MTREX: variants seen among roughly 807,000 people sequenced by gnomAD.
MTREX encodes exosome RNA helicase MTR4.
A neutral mutation model predicts 135.4 loss-of-function variants in MTREX; 76 were observed. The ratio of observed to expected loss-of-function variants is 0.56; its 90% confidence interval spans 0.47 to 0.68. The LOEUF is 0.68. Ranked by LOEUF, MTREX falls within the 30% of genes least tolerant of loss-of-function variation. The pLI is 0.00. For missense variants in MTREX, 920 were observed against 1,262.1 expected (o/e 0.73, Z 4.11); for synonymous variants, 404 against 401.6 (o/e 1.01, Z -0.07).
chr5:55,308,341 G>A (rs187566676), intron 1 of MTREX, among the ~76,000 whole-genome samples, 194 bp downstream of exon 1: 31 of 152,182 alleles, frequency 2.0e-4, no homozygotes, highest in Admixed American at 7.8e-4. Flanking sequence ...GTTTCCTGGT[G>A]TCTGCAGGCA....
At chr5:55,388,165 A>C (rs1750509496) in intron 19 of MTREX, 63 bp downstream of exon 19, 1 of 1,455,122 alleles carries the variant, frequency 6.9e-7, no homozygotes, top group Non-Finnish European at 9.4e-7. Context: ...TCATCACCAA[A>C]GTTCTCCAAT....
chr5:55,323,119 G>A (rs1407456660), intron 2 of MTREX, among the ~76,000 whole-genome samples: 1 of 152,040 alleles, frequency 6.6e-6, no homozygotes, highest in African/African-American at 2.4e-5. Flanking sequence ...TTTTGTTACA[G>A]TTAGTAAAAT....
intron 5 of MTREX, among the ~76,000 whole-genome samples, chr5:55,329,131 A>G (rs1749427867): frequency 6.6e-6 from 1 of 151,858 alleles, no homozygotes; most frequent in African/African-American, 2.4e-5. Flanking sequence ...TTTTGTTTGC[A>G]TATGTATTTA....
At chr5:55,323,774 C>A (rs1749326132) in intron 2 of MTREX, among the ~76,000 whole-genome samples, 2 of 152,118 alleles carry the variant, frequency 1.3e-5, no homozygotes, top group Non-Finnish European at 2.9e-5. Context: ...TTACTTTATA[C>A]TTTCTATTGT....
At chr5:55,320,756 C>T (rs903675777) in intron 1 of MTREX, among the ~76,000 whole-genome samples, 1 of 152,198 alleles carries the variant, frequency 6.6e-6, no homozygotes, top group Non-Finnish European at 1.5e-5. Context: ...TTTGGCTCAA[C>T]ATCGTTTGCA....
chr5:55,389,472 A>G (rs1412353543), intron 19 of MTREX, among the ~76,000 whole-genome samples: 1 of 152,128 alleles, frequency 6.6e-6, no homozygotes, highest in Non-Finnish European at 1.5e-5. Context: ...ATTTCAGTCT[A>G]CGCTGCTAAG....
At chr5:55,313,681 A>C (rs555297997) in intron 1 of MTREX, among the ~76,000 whole-genome samples, 1 of 152,328 alleles carries the variant, frequency 6.6e-6, no homozygotes, top group Non-Finnish European at 1.5e-5. Context: ...GTGTATTTAC[A>C]GTTTTTAAGA....
At chr5:55,408,000 CG>C (rs1213439502) in intron 22 of MTREX, among the ~76,000 whole-genome samples, 1 of 152,028 alleles carries the variant, frequency 6.6e-6, no homozygotes. Flanking sequence ...TTAAGCAGTC[CG>C]CCCACCTTAC....
At chr5:55,348,921 A>G (rs139888381) in intron 11 of MTREX, among the ~76,000 whole-genome samples, 1 of 152,346 alleles carries the variant, frequency 6.6e-6, no homozygotes, top group African/African-American at 2.4e-5. Flanking sequence ...GCTAATTATT[A>G]AAAACTAAGT....
intron 13 of MTREX, among the ~76,000 whole-genome samples, chr5:55,351,584 T>G (rs1366162764): frequency 6.6e-6 from 1 of 152,190 alleles, no homozygotes; most frequent in Non-Finnish European, 1.5e-5. Flanking sequence ...TACCACAGAA[T>G]GTTGCAGAAG....
At chr5:55,321,175 A>C (rs1214785203) in intron 1 of MTREX, among the ~76,000 whole-genome samples, 2 of 152,208 alleles carry the variant, frequency 1.3e-5, no homozygotes, top group African/African-American at 4.8e-5. Flanking sequence ...TGCAAATATC[A>C]ATAGATACAA....
chr5:55,404,260 T>C (rs192624590), intron 21 of MTREX, among the ~76,000 whole-genome samples: 266 of 152,316 alleles, frequency 1.7e-3, no homozygotes, highest in African/African-American at 6.1e-3. Flanking sequence ...TACCATTGTT[T>C]TTTGTTCTTG....
chr5:55,380,192 G>A (rs1024505562), intron 18 of MTREX, among the ~76,000 whole-genome samples: 4 of 151,850 alleles, frequency 2.6e-5, no homozygotes, highest in South Asian at 2.1e-4. Context: ...TGCCCGCCTC[G>A]GCCTCCCAAA....
chr5:55,400,230 C>A lies in MTREX; in HGVS notation c.2293-3C>A, dbSNP rs754347818. 2.6e-6 allele frequency: 4 copies of A among 1,542,602 alleles called. No homozygotes were observed. The highest frequency in any genetic ancestry group is 2.1e-5 in the Admixed American group (1 of 48,398). On this transcript the variant is annotated splice_region_variant and splice_polypyrimidine_tract_variant and intron_variant, in intron 20 of 26. Coordinates refer to ENST00000230640, the MANE Select transcript of MTREX (RefSeq NM_015360.5). The stretch of plus-strand genomic sequence containing the variant: ...GAAAATGAATTTTACATATTTTTTT[C>A]AGGAAGTTCAGAAACGTTTTCCTGA...
intron 13 of MTREX, among the ~76,000 whole-genome samples, 190 bp downstream of exon 13, chr5:55,351,219 C>CA (rs1445556694): frequency 2.6e-5 from 4 of 151,614 alleles, no homozygotes; most frequent in African/African-American, 9.7e-5. Flanking sequence ...AAAAAAAAAA[C>CA]ATTTGTTTCC....
intron 1 of MTREX, among the ~76,000 whole-genome samples, chr5:55,310,689 C>G (rs1749098421): frequency 6.6e-6 from 1 of 152,120 alleles, no homozygotes; most frequent in Non-Finnish European, 1.5e-5. Context: ...CTCATCTGAT[C>G]TGTGTAACAT....
intron 15 of MTREX, among the ~76,000 whole-genome samples, chr5:55,363,035 G>A (rs923530381): frequency 6.6e-6 from 1 of 152,132 alleles, no homozygotes; most frequent in Non-Finnish European, 1.5e-5. Context: ...TCAATAGTGT[G>A]ATACTTCTAG....
chr5:55,384,280 TCTA>T (rs1393296073), intron 18 of MTREX, among the ~76,000 whole-genome samples: 3 of 152,222 alleles, frequency 2.0e-5, no homozygotes, highest in Non-Finnish European at 4.4e-5. Flanking sequence ...CTAGTTCAGA[TCTA>T]CTGTTGGGCT....
chr5:55,368,738 TA>T (rs1750146554), intron 16 of MTREX, among the ~76,000 whole-genome samples: 1 of 152,162 alleles, frequency 6.6e-6, no homozygotes, highest in South Asian at 2.1e-4. Context: ...CTAATTTTTG[TA>T]TTTTCTGTAG....
Sources: gnomAD v4.1 joint callset for allele counts (sites outside exome capture counted in the v4.1 genomes callset) on GRCh38, gnomAD v4.1.1 for gene constraint, MANE v1.5 for transcripts, NCBI Gene and HGNC (gene_info 2026-07-23, HGNC 2026-07-21) for gene names.